The following LDLRAD3 variants were observed in gnomAD, a reference collection of about 807,000 sequenced individuals.
LDLRAD3 encodes low-density lipoprotein receptor class A domain-containing protein 3.
In LDLRAD3, 20 loss-of-function variants were observed where a neutral mutation model predicts 29.4. The ratio of observed to expected loss-of-function variants is 0.68; its 90% CI spans 0.48 to 0.99. The LOEUF is 0.99. Among genes scored for constraint, LDLRAD3 ranks in the 50% least tolerant of loss-of-function variants. LDLRAD3 has a pLI of 0.00. For synonymous variants in LDLRAD3, 157 were observed against 192.7 expected, an observed-to-expected ratio of 0.81 and a Z score of 1.53; for missense variants, 420 against 454.3, an observed-to-expected ratio of 0.92 and a Z score of 0.69.
At chr11:36,074,927 C>T (rs1202169354) in intron 2 of LDLRAD3, among the ~76,000 whole-genome samples, 3 of 152,182 alleles carry the variant, frequency 2.0e-5, no homozygotes, top group African/African-American at 7.2e-5. Context: ...ACGCAGCAGG[C>T]CTGACTGCTG....
At chr11:35,948,442 G>A (rs1477146397) in intron 1 of LDLRAD3, among the ~76,000 whole-genome samples, 1 of 95,390 alleles carries the variant, frequency 1.0e-5, no homozygotes, top group Non-Finnish European at 2.2e-5. Context: ...CTGATCGTGT[G>A]TGTGTGTGTG....
intron 4 of LDLRAD3, among the ~76,000 whole-genome samples, chr11:36,167,565 A>T (rs1475384102): frequency 6.6e-6 from 1 of 152,142 alleles, no homozygotes; most frequent in Non-Finnish European, 1.5e-5. Context: ...AATTGATCCA[A>T]TGGAGGTAAA....
chr11:36,080,362 T>C (rs1853095005), intron 2 of LDLRAD3, among the ~76,000 whole-genome samples: 1 of 152,226 alleles, frequency 6.6e-6, no homozygotes, highest in African/African-American at 2.4e-5. Flanking sequence ...GTTACAGCAG[T>C]TTCTGCTAAA....
At chr11:35,965,757 A>G (rs545109803) in intron 1 of LDLRAD3, among the ~76,000 whole-genome samples, 33 of 152,132 alleles carry the variant, frequency 2.2e-4, no homozygotes, top group African/African-American at 7.5e-4. Context: ...GAGACACACT[A>G]TTTTTTTTAA....
chr11:36,067,408 GATGTA>G (rs1200304203), intron 2 of LDLRAD3, among the ~76,000 whole-genome samples: 1 of 152,030 alleles, frequency 6.6e-6, no homozygotes, highest in Non-Finnish European at 1.5e-5. Context: ...CAAATAATAA[GATGTA>G]ATGTATAAAA....
chr11:36,054,036 C>T (rs780101700), intron 2 of LDLRAD3, among the ~76,000 whole-genome samples: 10 of 152,186 alleles, frequency 6.6e-5, no homozygotes, highest in Non-Finnish European at 1.3e-4. Context: ...GCAAACCAAA[C>T]TTTGGCAAGT....
At chr11:35,957,710 C>T (rs1353814281) in intron 1 of LDLRAD3, among the ~76,000 whole-genome samples, 5 of 148,718 alleles carry the variant, frequency 3.4e-5, no homozygotes, top group South Asian at 4.2e-4. Context: ...ACAGAAGAAT[C>T]GCTTGAACCC....
At chr11:36,035,676 T>C (rs190082499) in intron 1 of LDLRAD3, among the ~76,000 whole-genome samples, 1 of 152,284 alleles carries the variant, frequency 6.6e-6, no homozygotes. Flanking sequence ...GATTCTGTGA[T>C]TGTAAGGGCT....
intron 2 of LDLRAD3, among the ~76,000 whole-genome samples, chr11:36,039,559 G>GT (rs1852354401): frequency 6.6e-6 from 1 of 152,086 alleles, no homozygotes; most frequent in African/African-American, 2.4e-5. Flanking sequence ...CCTGTATACA[G>GT]TAAGTGGCTT....
At chr11:36,049,398 A>G (rs1256837584) in intron 2 of LDLRAD3, among the ~76,000 whole-genome samples, 1 of 152,216 alleles carries the variant, frequency 6.6e-6, no homozygotes, top group African/African-American at 2.4e-5. Context: ...GAAAAAGAGA[A>G]TGTGGTGCAT....
chr11:36,092,243 A>G (rs1238069280), intron 3 of LDLRAD3, among the ~76,000 whole-genome samples: 1 of 152,140 alleles, frequency 6.6e-6, no homozygotes, highest in Non-Finnish European at 1.5e-5. Context: ...AGAACCTTCT[A>G]GTCTCTTTTT....
intron 4 of LDLRAD3, among the ~76,000 whole-genome samples, chr11:36,214,913 A>G (rs1855331358): frequency 6.6e-6 from 1 of 152,230 alleles, no homozygotes; most frequent in Non-Finnish European, 1.5e-5. Context: ...GGATTCAGGG[A>G]TGAGCAAGCA....
At chr11:36,109,068 A>T (rs1458283914) in intron 4 of LDLRAD3, among the ~76,000 whole-genome samples, 1 of 152,188 alleles carries the variant, frequency 6.6e-6, no homozygotes, top group Admixed American at 6.5e-5. Context: ...AAGGGTGAGC[A>T]TGTGGCAGAT....
chr11:36,070,430 A>G (rs1852879746), intron 2 of LDLRAD3, among the ~76,000 whole-genome samples: 1 of 152,222 alleles, frequency 6.6e-6, no homozygotes, highest in East Asian at 1.9e-4. Context: ...AAATGGGGAA[A>G]GATCATAAAG....
At chr11:36,149,733 A>G (rs1854249290) in intron 4 of LDLRAD3, among the ~76,000 whole-genome samples, 1 of 152,162 alleles carries the variant, frequency 6.6e-6, no homozygotes, top group African/African-American at 2.4e-5. Context: ...CTTGGTGACC[A>G]GGGTATGAGG....
intron 2 of LDLRAD3, among the ~76,000 whole-genome samples, chr11:36,076,962 C>T (rs1017792163): frequency 1.3e-5 from 2 of 151,942 alleles, no homozygotes; most frequent in African/African-American, 4.8e-5. Flanking sequence ...ACTAGTAATA[C>T]AGTTATGTTT....
chr11:36,111,931 G>C (rs1358137772), intron 4 of LDLRAD3, among the ~76,000 whole-genome samples: 1 of 152,168 alleles, frequency 6.6e-6, no homozygotes, highest in Non-Finnish European at 1.5e-5. Context: ...TTTGTGGAAT[G>C]CCTCTAAATG....
At chr11:35,954,199 C>T (rs997745709) in intron 1 of LDLRAD3, among the ~76,000 whole-genome samples, 1 of 152,032 alleles carries the variant, frequency 6.6e-6, no homozygotes, top group African/African-American at 2.4e-5. Flanking sequence ...TAATAGGGTT[C>T]AGTTTTTGAA....
intron 1 of LDLRAD3, among the ~76,000 whole-genome samples, chr11:35,993,425 A>C (rs1040315458): frequency 3.9e-5 from 6 of 152,132 alleles, no homozygotes; most frequent in African/African-American, 1.4e-4. Flanking sequence ...TCAAGCATAG[A>C]TGCTATTTTC....
Sources: allele counts gnomAD v4.1 joint callset (sites outside exome capture counted in the v4.1 genomes callset), GRCh38; gene constraint gnomAD v4.1.1; transcripts MANE v1.5; gene names NCBI Gene and HGNC (gene_info 2026-07-23, HGNC 2026-07-21).